Variants in CDKL4 observed in about 807,000 individuals in gnomAD.
CDKL4 encodes cyclin-dependent kinase-like 4.
In CDKL4, 44 loss-of-function variants were observed where a neutral mutation model predicts 42.0. The observed-to-expected ratio is 1.05, with a 90% CI of 0.82 to 1.35. The LOEUF (loss-of-function observed/expected upper bound fraction) is 1.35. CDKL4 is among the 40% of genes most tolerant of loss of function. The probability of loss-of-function intolerance (pLI) is 0.00; values close to 1 mark genes in which losing one functional copy is unlikely to be tolerated. For synonymous variants in CDKL4, 120 were observed against 121.6 expected, an observed-to-expected ratio of 0.99 and a Z score of 0.09; for missense variants, 393 against 369.9, an observed-to-expected ratio of 1.06 and a Z score of -0.51.
intron 3 of CDKL4, among the ~76,000 whole-genome samples, chr2:39,215,400 A>T (rs1292574721): frequency 6.6e-6 from 1 of 152,146 alleles, no homozygotes; most frequent in Non-Finnish European, 1.5e-5. Flanking sequence ...TATGCTGCAA[A>T]TATTTTGCTC....
At chr2:39,227,917 T>C (rs1211502088) in intron 2 of CDKL4, among the ~76,000 whole-genome samples, 2 of 152,134 alleles carry the variant, frequency 1.3e-5, no homozygotes, top group African/African-American at 4.8e-5. Flanking sequence ...AGGCAAGCAA[T>C]TTAAATAACA....
chr2:39,200,740 T>C (rs72927487), intron 5 of CDKL4, among the ~76,000 whole-genome samples: 7,063 of 152,088 alleles, frequency 0.046, 571 homozygotes, highest in African/African-American at 0.16. Context: ...AAGTGATGAA[T>C]GGACACCTTA....
At chr2:39,171,100 G>A (rs1037239819), downstream of CDKL4, among the ~76,000 whole-genome samples, 4 of 152,006 alleles carry the variant, frequency 2.6e-5, no homozygotes, top group East Asian at 1.9e-4. Context: ...TTAGCTGGGC[G>A]TGGTGGCACA....
intron 1 of CDKL4, among the ~76,000 whole-genome samples, chr2:39,238,778 G>C (rs1299652766): frequency 2.0e-5 from 3 of 150,454 alleles, no homozygotes; most frequent in African/African-American, 7.3e-5. Context: ...TTAAGATAGA[G>C]TCTCACTCTG....
chr2:39,174,980 A>G (rs1037747567), downstream of CDKL4, among the ~76,000 whole-genome samples: 1 of 152,182 alleles, frequency 6.6e-6, no homozygotes, highest in East Asian at 1.9e-4. Flanking sequence ...ATGTATGTCA[A>G]GTTTGGTTGG....
intron 5 of CDKL4, among the ~76,000 whole-genome samples, chr2:39,196,840 T>G (rs1470400491): frequency 6.6e-6 from 1 of 152,202 alleles, no homozygotes; most frequent in Non-Finnish European, 1.5e-5. Context: ...ACTCCTGACC[T>G]CAGGTATCTG....
chr2:39,188,560 C>CAAAAAAA (rs34568815), intron 6 of CDKL4, among the ~76,000 whole-genome samples: 21 of 45,264 alleles, frequency 4.6e-4, no homozygotes, highest in African/African-American at 1.2e-3. Context: ...CAGTCCGTCT[C>CAAAAAAA]AAAAAAAAAA....
chr2:39,244,394 G>C (rs1005971325), upstream of CDKL4, among the ~76,000 whole-genome samples: 1 of 152,240 alleles, frequency 6.6e-6, no homozygotes, highest in Non-Finnish European at 1.5e-5. Flanking sequence ...TGCCGACCCC[G>C]GGCAATGAGG....
intron 4 of CDKL4, among the ~76,000 whole-genome samples, chr2:39,208,978 T>C (rs1572988000): frequency 6.6e-6 from 1 of 151,552 alleles, no homozygotes; most frequent in African/African-American, 2.4e-5. Flanking sequence ...CTGACGGAGG[T>C]TGCAGCCTGA....
At chr2:39,229,796 A>C (rs1012258304) in intron 1 of CDKL4, among the ~76,000 whole-genome samples, 3 of 152,252 alleles carry the variant, frequency 2.0e-5, no homozygotes, top group Non-Finnish European at 4.4e-5. Context: ...GCTATTTCTG[A>C]CAATGGTTCT....
chr2:39,240,971 G>C (rs1411900035), intron 1 of CDKL4, among the ~76,000 whole-genome samples: 1 of 152,180 alleles, frequency 6.6e-6, no homozygotes, highest in African/African-American at 2.4e-5. Context: ...AAAGATCAAA[G>C]CACTGTTCCA....
intron 5 of CDKL4, among the ~76,000 whole-genome samples, chr2:39,202,692 T>C (rs991381514): frequency 1.3e-5 from 2 of 152,224 alleles, no homozygotes; most frequent in African/African-American, 4.8e-5. Flanking sequence ...GTGATTCATT[T>C]TGAGTGAATA....
chr2:39,169,394 G>A, the CDKL4 span, among the ~76,000 whole-genome samples: 1 of 152,162 alleles, frequency 6.6e-6, no homozygotes, highest in African/African-American at 2.4e-5. Flanking sequence ...AGTCGTGTGT[G>A]TGTTTGCGTG....
At chr2:39,174,538 C>A (rs545705455), downstream of CDKL4, among the ~76,000 whole-genome samples, 1 of 152,276 alleles carries the variant, frequency 6.6e-6, no homozygotes, top group East Asian at 1.9e-4. Flanking sequence ...CTTTTAGACA[C>A]GAACATAGGA....
chr2:39,215,388 T>A (rs1439126649), intron 3 of CDKL4, among the ~76,000 whole-genome samples: 1 of 152,262 alleles, frequency 6.6e-6, no homozygotes, highest in African/African-American at 2.4e-5. Flanking sequence ...TGGTCTGTTA[T>A]ATATGCTGCA....
Position 39,218,633 on chromosome 2 carries a change from CA to C in CDKL4, c.291-5162del, listed in dbSNP as rs200939045. On this transcript the variant is annotated intron_variant, in intron 3 of 9. Coordinates refer to ENST00000451199, the Ensembl canonical transcript of CDKL4. ...GTGAGGGCAGGCAGGCAGGCATCATCAAACCCGTTGAAGGCCTGGATACAAC... is the reference window on the plus strand; with the variant it reads ...GTGAGGGCAGGCAGGCAGGCATCATCAACCCGTTGAAGGCCTGGATACAAC... Among the ~76,000 whole-genome samples the C allele has an allele frequency of 1.3e-3, 203 of 152,318 alleles. 3 individuals carry two copies. The East Asian group carries it at 0.021, about 16-fold the overall frequency.
At chr2:39,214,862 G>T (rs1439853293) in intron 3 of CDKL4, among the ~76,000 whole-genome samples, 2 of 152,188 alleles carry the variant, frequency 1.3e-5, no homozygotes. Flanking sequence ...CCTCTGTATA[G>T]AAAATACTGG....
chr2:39,222,023 T>C (rs1678404427), intron 3 of CDKL4, among the ~76,000 whole-genome samples: 3 of 152,198 alleles, frequency 2.0e-5, no homozygotes, highest in African/African-American at 7.2e-5. Context: ...CTGTATCCTC[T>C]GCACCAGTGT....
At chr2:39,194,760 T>A (rs1676409820) in intron 5 of CDKL4, among the ~76,000 whole-genome samples, 1 of 152,214 alleles carries the variant, frequency 6.6e-6, no homozygotes, top group Non-Finnish European at 1.5e-5. Flanking sequence ...TCTCTCTGTG[T>A]ATATCTATAT....
Sources: gnomAD v4.1 joint callset for allele counts (sites outside exome capture counted in the v4.1 genomes callset) on GRCh38, gnomAD v4.1.1 for gene constraint, MANE v1.5 for transcripts, NCBI Gene and HGNC (gene_info 2026-07-23, HGNC 2026-07-21) for gene names.